BAIAP2: variants seen among roughly 807,000 people sequenced by gnomAD.
The protein encoded by BAIAP2 is BAR/IMD domain-containing adapter protein 2.
BAIAP2 carries 18 observed loss-of-function variants against 63.0 expected under a neutral mutation model. The observed-to-expected ratio is 0.29, with a 90% confidence interval of 0.20 to 0.42. The LOEUF (loss-of-function observed/expected upper bound fraction) is 0.42. Among genes scored for constraint, BAIAP2 ranks in the 10% least tolerant of loss-of-function variants. The pLI is 1.00. For missense variants in BAIAP2, 610 were observed against 734.3 expected (o/e 0.83, Z 1.96); for synonymous variants, 386 against 307.6 (o/e 1.25, Z -2.67).
At chr17:81,099,280 G>C (rs2058165359) in intron 6 of BAIAP2, among the ~76,000 whole-genome samples, 1 of 152,160 alleles carries the variant, frequency 6.6e-6, no homozygotes, top group South Asian at 2.1e-4. Context: ...CAGGCAGCCA[G>C]GTGTCTTAGC....
At chr17:81,054,970 G>A (rs146223702) in intron 2 of BAIAP2, among the ~76,000 whole-genome samples, 4 of 152,250 alleles carry the variant, frequency 2.6e-5, no homozygotes, top group East Asian at 3.9e-4. Flanking sequence ...ACCCTCTACC[G>A]TGTCTGTCCC....
chr17:81,077,061 G>T (rs1026904019), intron 3 of BAIAP2, among the ~76,000 whole-genome samples: 2 of 152,176 alleles, frequency 1.3e-5, no homozygotes, highest in African/African-American at 4.8e-5. Context: ...AATGTAGAGG[G>T]TCATGTGTGA....
At position 81,036,908 on chromosome 17, in the gene BAIAP2, C is replaced by T. The variant is rs1017626550; in HGVS notation, c.54+1600C>T. 57 of 1,535,900 alleles carry T rather than the reference C, an allele frequency of 3.7e-5. 1 individual carries two copies. The highest frequency in any genetic ancestry group is 1.1e-4 in the South Asian group (9 of 84,060). On this transcript the variant is annotated intron_variant, in intron 1 of 13. Transcript: ENST00000428708. ...GCGGAACCTTTTTCCTATTTTTTCT[C>T]CTTCTGCGCTGAAACCAGAAAGCAG...
At chr17:81,073,313 G>A (rs8072172) in intron 3 of BAIAP2, among the ~76,000 whole-genome samples, 3 of 152,006 alleles carry the variant, frequency 2.0e-5, no homozygotes, top group African/African-American at 7.3e-5. Context: ...TCAGATACTC[G>A]GACCTCTTGG....
At chr17:81,074,534 T>C (rs1352961383) in intron 3 of BAIAP2, among the ~76,000 whole-genome samples, 1 of 150,736 alleles carries the variant, frequency 6.6e-6, no homozygotes. Context: ...CCTGTGTGTG[T>C]GCACGTGCAC....
chr17:81,090,623 C>T (rs551616508), intron 6 of BAIAP2, among the ~76,000 whole-genome samples: 70 of 152,264 alleles, frequency 4.6e-4, no homozygotes, highest in Non-Finnish European at 7.2e-4. Context: ...GTGCTTTCTG[C>T]TCCCCAGTGG....
At position 81,038,743 on chromosome 17, in the gene BAIAP2, G is replaced by C. The variant is rs2046650521; in HGVS notation, c.54+3435G>C. 3.9e-5 allele frequency among the ~76,000 whole-genome samples: 6 copies of C among 152,322 alleles called. 1 individual carries two copies. In the South Asian group the frequency reaches 1.2e-3, roughly 32 times the overall value. On this transcript the variant is annotated intron_variant, in intron 1 of 13. Coordinates refer to ENST00000428708, the MANE Select transcript of BAIAP2 (RefSeq NM_001144888.2). ...CTGCCGGCTTTTCTGCTCCGTGCCC[G>C]GCTGCCCGGGCCTGGCTGTTCCTCT... is the stretch of plus-strand genomic sequence containing the variant.
intron 6 of BAIAP2, among the ~76,000 whole-genome samples, chr17:81,096,716 C>T (rs1422591028): frequency 6.6e-6 from 1 of 152,244 alleles, no homozygotes; most frequent in African/African-American, 2.4e-5. Context: ...GCTCAGGTGT[C>T]CTCCTCCATG....
At chr17:81,084,250 C>T (rs2055164428) in intron 3 of BAIAP2, among the ~76,000 whole-genome samples, 1 of 152,152 alleles carries the variant, frequency 6.6e-6, no homozygotes, top group Non-Finnish European at 1.5e-5. Flanking sequence ...CAGGTCTCCT[C>T]AGACCACCGC....
chr17:81,109,679 C>T (rs1485989248), intron 13 of BAIAP2: 23 of 985,404 alleles, frequency 2.3e-5, no homozygotes, highest in East Asian at 2.3e-4. Context: ...CTGGACACTG[C>T]GGGCCAGGTG....
chr17:81,042,672 C>T (rs997019532), intron 1 of BAIAP2, among the ~76,000 whole-genome samples: 1 of 151,836 alleles, frequency 6.6e-6, no homozygotes, highest in African/African-American at 2.4e-5. Flanking sequence ...GCTGGGGTAG[C>T]ACAGGTGCCT....
intron 3 of BAIAP2, among the ~76,000 whole-genome samples, chr17:81,071,589 A>G (rs2052671408): frequency 6.6e-6 from 1 of 152,216 alleles, no homozygotes; most frequent in Non-Finnish European, 1.5e-5. Context: ...AGCAACAGAA[A>G]TATCCAGGAA....
At chr17:81,084,773 A>C (rs1568136250) in intron 3 of BAIAP2, 59 bp from the exon 4 acceptor site, 3 of 1,552,846 alleles carry the variant, frequency 1.9e-6, no homozygotes, top group Non-Finnish European at 2.7e-6. Context: ...GAGTGGGATG[A>C]CGGTGGTGAC....
In BAIAP2 at chr17:81,115,887, C is replaced by G; in HGVS notation, c.*48C>G. On this transcript the variant is annotated 3_prime_UTR_variant, in exon 14 of 14. Coordinates refer to ENST00000428708, the MANE Select transcript of BAIAP2 (RefSeq NM_001144888.2). Reference sequence around the variant, plus strand: ...CATCTGGTGGCTTCCCCCGCCCTTCCCATGTAGCCTGTTCTGTCATCATCT... The same window carrying G: ...CATCTGGTGGCTTCCCCCGCCCTTCGCATGTAGCCTGTTCTGTCATCATCT... 6.2e-7 allele frequency: 1 copy of G among 1,609,160 alleles called. No individual in the cohort carries two copies. The highest frequency in any genetic ancestry group is 8.5e-7 in the Non-Finnish European group (1 of 1,178,244).
Position 81,099,852 on chromosome 17 carries a change from C to T in BAIAP2, c.490-76C>T, listed in dbSNP as rs1375718277. 1.8e-5 allele frequency: 28 copies of T among 1,529,604 alleles called. 1 individual carries two copies. The highest frequency in any genetic ancestry group is 2.3e-5 in the East Asian group (1 of 44,030). The allele number at this position is 1,529,604 out of a possible 1,614,324, so 94.8% of individuals were successfully genotyped here. On this transcript the variant is annotated intron_variant, in intron 6 of 13. Coordinates refer to ENST00000428708, the MANE Select transcript of BAIAP2 (RefSeq NM_001144888.2). Reference sequence around the variant, plus strand: ...ATGAGACGTGTCCTTTGACTGAGTCCGTGGGGCTGCCCCAAACCGGTCCTG... The same window carrying T: ...ATGAGACGTGTCCTTTGACTGAGTCTGTGGGGCTGCCCCAAACCGGTCCTG...
chr17:81,042,041 G>A (rs2047146293), intron 1 of BAIAP2, among the ~76,000 whole-genome samples: 1 of 152,174 alleles, frequency 6.6e-6, no homozygotes, highest in Non-Finnish European at 1.5e-5. Flanking sequence ...CGTCAGGGGT[G>A]CCAATGCCAG....
chr17:81,081,561 C>G (rs1466834212), intron 3 of BAIAP2, among the ~76,000 whole-genome samples: 2 of 152,162 alleles, frequency 1.3e-5, no homozygotes, highest in Non-Finnish European at 2.9e-5. Context: ...AGCGCCTGCT[C>G]ACGTCCAAGT....
In BAIAP2 at chr17:81,107,059, T is replaced by C. The variant is rs2059270028; in HGVS notation, c.1500+152T>C. 8.4e-6 allele frequency: 8 copies of C among 950,196 alleles called. 1 individual carries two copies. Among genetic ancestry groups the C allele is most frequent in the Admixed American group, 6.1e-5 (2 of 32,566 alleles). 58.9% of individuals were successfully genotyped at this position (950,196 alleles called of 1,614,324 possible). A position where few individuals can be genotyped will look rare whatever the true frequency, so the allele number is the denominator to read the frequency against. On this transcript the variant is annotated intron_variant, in intron 12 of 13. Coordinates refer to ENST00000428708, the MANE Select transcript of BAIAP2 (RefSeq NM_001144888.2). ...GGGTGAAGGCTGCATGATTTGGGAA[T>C]GTGTACACACCCCTGCTTCGGCCTC...
chr17:81,038,521 C>T (rs2046615755), intron 1 of BAIAP2, among the ~76,000 whole-genome samples: 1 of 152,156 alleles, frequency 6.6e-6, no homozygotes. Context: ...CTTCCTTGTG[C>T]CGAGGCTCTT....
Sources: allele counts gnomAD v4.1 joint callset (sites outside exome capture counted in the v4.1 genomes callset), GRCh38; gene constraint gnomAD v4.1.1; transcripts MANE v1.5; gene names NCBI Gene and HGNC (gene_info 2026-07-23, HGNC 2026-07-21).